The following ADAMTS3 variants were observed in gnomAD, a reference collection of about 807,000 sequenced individuals.
ADAMTS3 encodes A disintegrin and metalloproteinase with thrombospondin motifs 3.
ADAMTS3 carries 73 observed loss-of-function variants against 129.0 expected under a neutral mutation model. The ratio of observed to expected loss-of-function variants is 0.57; its 90% confidence interval spans 0.47 to 0.69. The LOEUF is 0.69. Among genes scored for constraint, ADAMTS3 ranks in the 30% least tolerant of loss-of-function variants. The pLI is 0.00. For synonymous variants in ADAMTS3, 477 were observed against 510.8 expected, an observed-to-expected ratio of 0.93 and a Z score of 0.89; for missense variants, 1,457 against 1,514.5, an observed-to-expected ratio of 0.96 and a Z score of 0.63.
At position 72,479,374 on chromosome 4, in the gene ADAMTS3, C is replaced by G. The variant is rs539532253; in HGVS notation, c.505-64403G>C. Among the ~76,000 whole-genome samples, 45 of 152,260 alleles carry G rather than the reference C, an allele frequency of 3.0e-4. No homozygotes were observed. In the South Asian group the frequency reaches 9.3e-3, roughly 32 times the overall value. On this transcript the variant is annotated intron_variant, in intron 3 of 21. Transcript: ENST00000286657. ...TAGAACAATGGAACAGAAAAGAGCC[C>G]TCAGAAATAATGCCACATATCTACA... is the stretch of plus-strand genomic sequence containing the variant.
intron 3 of ADAMTS3, among the ~76,000 whole-genome samples, chr4:72,452,583 A>C (rs1718434845): frequency 6.6e-6 from 1 of 151,782 alleles, no homozygotes; most frequent in Non-Finnish European, 1.5e-5. Flanking sequence ...CTGCTTCAAC[A>C]ACCAGTCTCC....
At chr4:72,303,765 A>G in intron 17 of ADAMTS3, 152 bp downstream of exon 17, 1 of 709,892 alleles carries the variant, frequency 1.4e-6, no homozygotes, top group Non-Finnish European at 2.3e-6. Context: ...TTGCACAAAG[A>G]GTGGGGGGAA....
At chr4:72,423,196 A>G (rs2109936152) in intron 3 of ADAMTS3, among the ~76,000 whole-genome samples, 1 of 152,282 alleles carries the variant, frequency 6.6e-6, no homozygotes, top group Non-Finnish European at 1.5e-5. Context: ...TTTAATATAG[A>G]ATTGCAGCTG....
chr4:72,329,018 AT>A (rs1719769595), intron 5 of ADAMTS3, among the ~76,000 whole-genome samples: 1 of 152,168 alleles, frequency 6.6e-6, no homozygotes, highest in Admixed American at 6.5e-5. Context: ...CTCCATTCTC[AT>A]ATTAATAATA....
intron 3 of ADAMTS3, among the ~76,000 whole-genome samples, chr4:72,448,627 G>T (rs1214982685): frequency 1.3e-5 from 2 of 151,678 alleles, no homozygotes; most frequent in Non-Finnish European, 3.0e-5. Context: ...AATACCAAAA[G>T]AAACTGTTCT....
chr4:72,406,322 A>G (rs982512047), intron 4 of ADAMTS3, among the ~76,000 whole-genome samples: 2 of 152,224 alleles, frequency 1.3e-5, no homozygotes, highest in African/African-American at 2.4e-5. Context: ...TGGTTAATAT[A>G]GGATAATTTC....
At chr4:72,348,770 C>A (rs1720353561) in intron 4 of ADAMTS3, among the ~76,000 whole-genome samples, 1 of 151,386 alleles carries the variant, frequency 6.6e-6, no homozygotes, top group Non-Finnish European at 1.5e-5. Context: ...GATTCTGCTC[C>A]TGGACAGGAG....
chr4:72,366,831 C>T (rs2109861758), intron 4 of ADAMTS3, among the ~76,000 whole-genome samples: 1 of 151,708 alleles, frequency 6.6e-6, no homozygotes, highest in South Asian at 2.1e-4. Context: ...AACTGAAAGC[C>T]TTAGGGGAAT....
intron 4 of ADAMTS3, among the ~76,000 whole-genome samples, chr4:72,383,122 T>C (rs1319403589): frequency 1.3e-5 from 2 of 152,136 alleles, no homozygotes; most frequent in African/African-American, 2.4e-5. Flanking sequence ...TTTCTTAGTA[T>C]TTTTATTTAC....
chr4:72,362,878 T>C (rs1156878485), intron 4 of ADAMTS3, among the ~76,000 whole-genome samples: 4 of 152,128 alleles, frequency 2.6e-5, no homozygotes, highest in East Asian at 1.9e-4. Flanking sequence ...CAAATGGTTA[T>C]AGATTGTACT....
chr4:72,298,588 AC>A, intron 17 of ADAMTS3, 146 bp from the exon 18 acceptor site: 1 of 609,246 alleles, frequency 1.6e-6, no homozygotes, highest in South Asian at 3.3e-5. Context: ...ATTTCTATAA[AC>A]CATAGTGCAA....
chr4:72,430,840 A>T (rs927410248), intron 3 of ADAMTS3, among the ~76,000 whole-genome samples: 2 of 150,972 alleles, frequency 1.3e-5, no homozygotes, highest in South Asian at 2.1e-4. Context: ...AAAAAAAAAA[A>T]CTCAAGGAAA....
rs776800661 is a variant in ADAMTS3, at chr4:72,548,632, G to A, written c.350C>T (p.Pro117Leu). 1.9e-6 allele frequency: 3 copies of A among 1,613,976 alleles called. No homozygotes were observed. Among genetic ancestry groups the A allele is most frequent in the East Asian group, 2.2e-5 (1 of 44,876 alleles). ...VVEWHETSLV[P>L]GNITDPINNH... is the part of the protein sequence containing the mutation. ...GTTAATGGGATCGGTTATATTCCCA[G>A]GCACCAGAGATGTCTCATGCCACTC... Residue 117 changes from proline (P) to leucine (L), a missense_variant, in exon 3 of 22, where the codon CCT (proline) becomes CTT (leucine). Pro to Leu is a moderately conservative substitution (Grantham distance 98). Transcript: ENST00000286657.
At chr4:72,403,411 A>G (rs367834177) in intron 4 of ADAMTS3, among the ~76,000 whole-genome samples, 61 of 152,074 alleles carry the variant, frequency 4.0e-4, no homozygotes, top group African/African-American at 1.3e-3. Flanking sequence ...TTACTCACAC[A>G]TAAAATTCTG....
Position 72,546,447 on chromosome 4 carries a change from GT to G in ADAMTS3, c.504+2030del, listed in dbSNP as rs1480195367. Among the ~76,000 whole-genome samples, 6 of 93,708 alleles carry G rather than the reference GT, an allele frequency of 6.4e-5. No homozygotes were observed. In the East Asian group the frequency reaches 1.5e-3, roughly 23 times the overall value. The allele number at this position is 93,708 out of a possible 152,430, so 61.5% of individuals were successfully genotyped here. On this transcript the variant is annotated intron_variant, in intron 3 of 21. Transcript: ENST00000286657. ...TTCATCTGAACGAAGAATTACAAAT[GT>G]TAAAAAAAAAAAAGTTGAAAACCTC...
chr4:72,479,873 G>C (rs62320589), intron 3 of ADAMTS3, among the ~76,000 whole-genome samples: 1 of 151,390 alleles, frequency 6.6e-6, no homozygotes, highest in Admixed American at 6.6e-5. Flanking sequence ...CCCCATCAAA[G>C]AGTGGGCAAA....
chr4:72,527,978 G>A (rs28485234), intron 3 of ADAMTS3, among the ~76,000 whole-genome samples: 38,533 of 151,976 alleles, frequency 0.25, 5,049 homozygotes, highest in Middle Eastern at 0.34. Flanking sequence ...CTGGACTTGT[G>A]GATACAGAAG....
At chr4:72,456,708 C>T (rs548814065) in intron 3 of ADAMTS3, among the ~76,000 whole-genome samples, 3 of 151,400 alleles carry the variant, frequency 2.0e-5, no homozygotes, top group Non-Finnish European at 4.4e-5. Flanking sequence ...CCTAAGCTAA[C>T]ATTTGGGGAG....
chr4:72,329,556 T>A (rs893488007), intron 5 of ADAMTS3, among the ~76,000 whole-genome samples: 1 of 152,168 alleles, frequency 6.6e-6, no homozygotes, highest in Admixed American at 6.5e-5. Flanking sequence ...ATGATATCAG[T>A]GCTTGTTCTC....
Sources: gnomAD v4.1 joint callset for allele counts (sites outside exome capture counted in the v4.1 genomes callset) on GRCh38, gnomAD v4.1.1 for gene constraint, MANE v1.5 for transcripts, NCBI Gene and HGNC (gene_info 2026-07-23, HGNC 2026-07-21) for gene names.